The following ROBO2 variants were observed in gnomAD, a reference collection of about 807,000 sequenced individuals.
ROBO2 encodes roundabout guidance receptor 2.
A neutral mutation model predicts 160.8 loss-of-function variants in ROBO2; 53 were observed. That is an observed-to-expected ratio of 0.33 (90% CI 0.26 to 0.41). The LOEUF (loss-of-function observed/expected upper bound fraction) is 0.41, where lower values mean the gene tolerates loss of function less well. Ranked by LOEUF, ROBO2 falls within the 10% of genes least tolerant of loss-of-function variation. The pLI is 1.00. For missense variants in ROBO2, 1,577 were observed against 1,722.4 expected, an observed-to-expected ratio of 0.92 and a Z score of 1.49; for synonymous variants, 664 against 611.7, an observed-to-expected ratio of 1.09 and a Z score of -1.26.
At chr3:76,118,223 G>T (rs1257673380) in intron 2 of ROBO2, among the ~76,000 whole-genome samples, 2 of 152,074 alleles carry the variant, frequency 1.3e-5, no homozygotes, top group Non-Finnish European at 2.9e-5. Flanking sequence ...ACTTTCTACT[G>T]ACTACCAGGC....
chr3:76,114,711 C>G (rs912089358), intron 2 of ROBO2, among the ~76,000 whole-genome samples: 2 of 152,072 alleles, frequency 1.3e-5, no homozygotes, highest in African/African-American at 4.8e-5. Flanking sequence ...CTTTATTACC[C>G]TAAGAACTCA....
chr3:76,368,724 G>A (rs985777132), intron 2 of ROBO2, among the ~76,000 whole-genome samples: 16 of 152,092 alleles, frequency 1.1e-4, no homozygotes, highest in Middle Eastern at 3.4e-3. Flanking sequence ...TGGTCTAAGA[G>A]TAGAATATAC....
chr3:76,295,354 TA>T (rs1360141966), intron 2 of ROBO2, among the ~76,000 whole-genome samples: 4 of 151,906 alleles, frequency 2.6e-5, no homozygotes, highest in Admixed American at 6.6e-5. Context: ...GAGAGTCACT[TA>T]AAAAAAAGTA....
At chr3:76,645,557 T>C (rs1286122685) in intron 2 of ROBO2, among the ~76,000 whole-genome samples, 2 of 152,076 alleles carry the variant, frequency 1.3e-5, no homozygotes, top group Admixed American at 6.6e-5. Context: ...GAAAGTAATA[T>C]AGTGAACTCT....
chr3:76,224,725 A>G (rs1466347108), intron 2 of ROBO2, among the ~76,000 whole-genome samples: 2 of 99,996 alleles, frequency 2.0e-5, no homozygotes, highest in Non-Finnish European at 4.1e-5. Flanking sequence ...CTGAGTATCC[A>G]CAAACTAGCA....
At chr3:76,478,205 A>T (rs1173555355) in intron 2 of ROBO2, among the ~76,000 whole-genome samples, 5 of 109,770 alleles carry the variant, frequency 4.6e-5, no homozygotes, top group Non-Finnish European at 7.0e-5. Context: ...CAGTCCCCAG[A>T]GTGTGATGTT....
intron 2 of ROBO2, among the ~76,000 whole-genome samples, chr3:77,202,897 A>G (rs779233554): frequency 6.6e-6 from 1 of 152,232 alleles, no homozygotes; most frequent in Non-Finnish European, 1.5e-5. Flanking sequence ...ATACTCATCC[A>G]GGACAGTTTC....
chr3:76,867,509 C>A (rs2071504604), intron 2 of ROBO2, among the ~76,000 whole-genome samples: 1 of 152,072 alleles, frequency 6.6e-6, no homozygotes, highest in African/African-American at 2.4e-5. Context: ...CCTTAAAAGG[C>A]CACTATTGCT....
chr3:77,500,261 C>T (rs1469758591), intron 5 of ROBO2, among the ~76,000 whole-genome samples: 1 of 152,102 alleles, frequency 6.6e-6, no homozygotes, highest in Non-Finnish European at 1.5e-5. Context: ...ATTTTTAAAG[C>T]ATAGTATTAC....
At chr3:77,255,789 T>C (rs2058367542) in intron 2 of ROBO2, among the ~76,000 whole-genome samples, 1 of 152,232 alleles carries the variant, frequency 6.6e-6, no homozygotes, top group South Asian at 2.1e-4. Flanking sequence ...GCAGTTTTCA[T>C]CTAGAAAAAA....
At chr3:76,604,656 C>G (rs1363476910) in intron 2 of ROBO2, among the ~76,000 whole-genome samples, 4 of 152,096 alleles carry the variant, frequency 2.6e-5, no homozygotes, top group African/African-American at 9.7e-5. Context: ...CCAACCTACT[C>G]TAGTTAATTG....
At chr3:76,974,084 C>T (rs1451731987) in intron 2 of ROBO2, among the ~76,000 whole-genome samples, 1 of 152,114 alleles carries the variant, frequency 6.6e-6, no homozygotes, top group Non-Finnish European at 1.5e-5. Context: ...AAGAGTCTTG[C>T]AAACAGATTA....
At chr3:76,644,061 C>G (rs2090841375) in intron 2 of ROBO2, among the ~76,000 whole-genome samples, 2 of 152,138 alleles carry the variant, frequency 1.3e-5, no homozygotes, top group Admixed American at 1.3e-4. Context: ...ATATTAAAAA[C>G]TACATGTGAC....
intron 2 of ROBO2, among the ~76,000 whole-genome samples, chr3:76,956,556 C>CAA (rs11369735): frequency 0.038 from 4,056 of 106,148 alleles, 191 homozygotes; most frequent in African/African-American, 0.11. Context: ...GACTCTGTCT[C>CAA]AAAAAAAAAA....
intron 17 of ROBO2, among the ~76,000 whole-genome samples, chr3:77,594,201 A>G (rs939465318): frequency 1.3e-5 from 2 of 152,190 alleles, no homozygotes; most frequent in African/African-American, 2.4e-5. Flanking sequence ...CCACTGCAGA[A>G]AAACTAAATA....
At chr3:76,056,273 C>T (rs2067842910) in intron 2 of ROBO2, among the ~76,000 whole-genome samples, 1 of 151,982 alleles carries the variant, frequency 6.6e-6, no homozygotes, top group African/African-American at 2.4e-5. Context: ...GAGGAGGGTC[C>T]TAGAACCAGT....
chr3:76,647,447 C>T (rs1014597335), intron 2 of ROBO2, among the ~76,000 whole-genome samples: 1 of 151,942 alleles, frequency 6.6e-6, no homozygotes, highest in African/African-American at 2.4e-5. Flanking sequence ...GTCACAAAGC[C>T]GGATATGGAA....
In ROBO2 at chr3:76,037,769, C is replaced by T. The variant is rs145052533; in HGVS notation, c.109+100167C>T. Among the ~76,000 whole-genome samples the T allele has an allele frequency of 1.5e-3, 227 of 152,052 alleles. 6 individuals carry two copies. The highest frequency in any genetic ancestry group is 5.2e-3 in the African/African-American group (215 of 41,398). ...TAAATAATTTTGTCATTTGAATAAACACAAAGATAGAGTGATATTATAGAA... is the reference window on the plus strand; with the variant it reads ...TAAATAATTTTGTCATTTGAATAAATACAAAGATAGAGTGATATTATAGAA... On this transcript the variant is annotated intron_variant, in intron 2 of 26. Transcript: ENST00000487694.
chr3:76,013,198 A>G (rs537614736), intron 2 of ROBO2, among the ~76,000 whole-genome samples: 1 of 145,756 alleles, frequency 6.9e-6, no homozygotes, highest in African/African-American at 2.6e-5. Context: ...AGTAATATGT[A>G]TAAAGGCAAT....
Sources: gnomAD v4.1 joint callset for allele counts (sites outside exome capture counted in the v4.1 genomes callset) on GRCh38, gnomAD v4.1.1 for gene constraint, MANE v1.5 for transcripts, NCBI Gene and HGNC (gene_info 2026-07-23, HGNC 2026-07-21) for gene names.